The following EYA4 variants were observed in gnomAD, a reference collection of about 807,000 sequenced individuals.
EYA4 encodes the protein EYA transcriptional coactivator and phosphatase 4.
In EYA4, 31 loss-of-function variants were observed where a neutral mutation model predicts 87.9. That is an observed-to-expected ratio of 0.35 (90% CI 0.27 to 0.48). The LOEUF (loss-of-function observed/expected upper bound fraction) is 0.48. EYA4 is among the 20% of genes least tolerant of loss of function. The pLI is 0.99. For synonymous variants in EYA4, 263 were observed against 270.6 expected (o/e 0.97, Z 0.28); for missense variants, 678 against 761.4 (o/e 0.89, Z 1.29).
At position 133,312,158 on chromosome 6, in the gene EYA4, G is replaced by T. The variant is rs536235762; in HGVS notation, c.33+37345G>T. ...GGTTTTCTAGAGGAAAAATCTGCAT[G>T]TTCAAAGCCTGTAGGGGCAGGAGCA... is the stretch of plus-strand genomic sequence containing the variant. On this transcript the variant is annotated intron_variant, in intron 2 of 19. Coordinates refer to ENST00000355286, the MANE Select transcript of EYA4 (RefSeq NM_004100.5). Among the ~76,000 whole-genome samples the T allele has an allele frequency of 2.6e-5, 4 of 152,268 alleles. No individual in the cohort carries two copies. In the East Asian group the frequency reaches 7.7e-4, roughly 29 times the overall value.
At chr6:133,440,493 A>G (rs565476695) in intron 3 of EYA4, among the ~76,000 whole-genome samples, 111 of 152,320 alleles carry the variant, frequency 7.3e-4, no homozygotes, top group African/African-American at 2.5e-3. Context: ...ACAAATGACA[A>G]TAAGTTAAGA....
intron 1 of EYA4, chr6:133,247,256 C>T (rs768861794): frequency 3.3e-5 from 5 of 152,138 alleles, no homozygotes; most frequent in Non-Finnish European, 7.3e-5. Flanking sequence ...TGGAGAAATG[C>T]TGTATTTTGT....
intron 5 of EYA4, among the ~76,000 whole-genome samples, chr6:133,454,021 C>G (rs1055738853): frequency 6.6e-6 from 1 of 152,066 alleles, no homozygotes; most frequent in Non-Finnish European, 1.5e-5. Context: ...AGATTATAAT[C>G]AAAATCAATA....
At chr6:133,430,353 T>C (rs1374496304) in intron 3 of EYA4, among the ~76,000 whole-genome samples, 4 of 152,250 alleles carry the variant, frequency 2.6e-5, no homozygotes, top group African/African-American at 9.6e-5. Context: ...AAACTAATTT[T>C]ACTTTCTACC....
chr6:133,247,533 A>G (rs1257540060), intron 1 of EYA4: 1 of 152,224 alleles, frequency 6.6e-6, no homozygotes, highest in African/African-American at 2.4e-5. Context: ...GGAGCTGCCC[A>G]TATTTTGGAA....
intron 2 of EYA4, among the ~76,000 whole-genome samples, chr6:133,358,076 C>G (rs1293773525): frequency 6.6e-6 from 1 of 152,116 alleles, no homozygotes; most frequent in Non-Finnish European, 1.5e-5. Flanking sequence ...TGAAGCGAAC[C>G]TCCCGATAGC....
In EYA4 at chr6:133,532,018, C is replaced by T. The variant is rs199878738; in HGVS notation, c.*3213C>T. On this transcript the variant is annotated 3_prime_UTR_variant, in exon 20 of 20. Transcript: ENST00000355286. ...GTAAAGTATAGATTATTGGGGCCTA[C>T]ATAATTTAAAAGAAATGTAAATTAA... 2 of 152,102 alleles carry T rather than the reference C, an allele frequency of 1.3e-5. No individual in the cohort carries two copies. Among genetic ancestry groups the T allele is most frequent in the East Asian group, 3.8e-4 (2 of 5,196 alleles). The allele number at this position is 152,102 out of a possible 1,614,324, so 9.4% of individuals were successfully genotyped here. A position where few individuals can be genotyped will look rare whatever the true frequency, so the allele number is the denominator to read the frequency against.
At chr6:133,343,663 A>G (rs1583014030) in intron 2 of EYA4, among the ~76,000 whole-genome samples, 1 of 151,372 alleles carries the variant, frequency 6.6e-6, no homozygotes, top group African/African-American at 2.4e-5. Flanking sequence ...AACAAAGACT[A>G]ATAATAACAA....
chr6:133,458,868 G>T (rs1460764214), intron 6 of EYA4, among the ~76,000 whole-genome samples: 2 of 152,076 alleles, frequency 1.3e-5, no homozygotes, highest in African/African-American at 2.4e-5. Flanking sequence ...AATTTTCAGG[G>T]CATTTTGAAA....
At chr6:133,510,871 C>G (rs563186031) in intron 14 of EYA4, among the ~76,000 whole-genome samples, 1 of 152,282 alleles carries the variant, frequency 6.6e-6, no homozygotes, top group African/African-American at 2.4e-5. Context: ...GTCTAGACTT[C>G]TCCCATTTAT....
At chr6:133,428,218 T>G (rs747825326) in intron 3 of EYA4, among the ~76,000 whole-genome samples, 1 of 152,118 alleles carries the variant, frequency 6.6e-6, no homozygotes, top group Admixed American at 6.5e-5. Flanking sequence ...CTCAGAGAGA[T>G]ATGAGGGCTG....
chr6:133,287,048 G>C (rs12196330), intron 2 of EYA4, among the ~76,000 whole-genome samples: 28,198 of 151,576 alleles, frequency 0.19, 3,033 homozygotes, highest in East Asian at 0.42. Flanking sequence ...TGTGTGTGTC[G>C]GGGGGACCAC....
At chr6:133,494,692 T>G (rs1290877418) in intron 13 of EYA4, among the ~76,000 whole-genome samples, 1 of 149,542 alleles carries the variant, frequency 6.7e-6, no homozygotes, top group Non-Finnish European at 1.5e-5. Flanking sequence ...AAAAAAGTGT[T>G]TTTTTTTTAA....
At chr6:133,248,990 G>A (rs558765484) in intron 1 of EYA4, 48 of 151,568 alleles carry the variant, frequency 3.2e-4, no homozygotes, top group African/African-American at 1.2e-3. Context: ...TCCCTTAATT[G>A]TTGACTTTAG....
rs1786292428 is a variant in EYA4, at chr6:133,382,337, C to G, written c.34-55C>G. 4 of 1,260,318 alleles carry G rather than the reference C, an allele frequency of 3.2e-6. No individual in the cohort carries two copies. In the South Asian group the frequency reaches 3.6e-5, roughly 11 times the overall value. The allele number at this position is 1,260,318 out of a possible 1,614,324, so 78.1% of individuals were successfully genotyped here. On this transcript the variant is annotated intron_variant, in intron 2 of 19. Coordinates refer to ENST00000355286, the MANE Select transcript of EYA4 (RefSeq NM_004100.5). ...ATATCCGCTTTAATAGTGTGTGAACCTGAGTGAGGAAGTTGTATTTTCATA... is the reference window on the plus strand; with the variant it reads ...ATATCCGCTTTAATAGTGTGTGAACGTGAGTGAGGAAGTTGTATTTTCATA...
intron 2 of EYA4, among the ~76,000 whole-genome samples, chr6:133,311,245 C>T (rs1276458567): frequency 6.6e-6 from 1 of 152,002 alleles, no homozygotes; most frequent in African/African-American, 2.4e-5. Context: ...TGGCAGTGTC[C>T]CTTCCTTCCC....
intron 2 of EYA4, among the ~76,000 whole-genome samples, chr6:133,278,359 C>T (rs1383148798): frequency 6.6e-6 from 1 of 152,176 alleles, no homozygotes; most frequent in Non-Finnish European, 1.5e-5. Flanking sequence ...TTGGCATTTA[C>T]CTCTAGCCCA....
chr6:133,505,231 C>G (rs1427713702), intron 13 of EYA4, among the ~76,000 whole-genome samples: 1 of 152,162 alleles, frequency 6.6e-6, no homozygotes, highest in Non-Finnish European at 1.5e-5. Flanking sequence ...CATCCCTATC[C>G]CCAAATGCTC....
intron 3 of EYA4, among the ~76,000 whole-genome samples, chr6:133,444,801 T>G (rs1273622549): frequency 6.6e-6 from 1 of 152,188 alleles, no homozygotes; most frequent in African/African-American, 2.4e-5. Flanking sequence ...TCAGGATGTC[T>G]GGGCAGCGTA....
Sources: allele counts gnomAD v4.1 joint callset (sites outside exome capture counted in the v4.1 genomes callset), GRCh38; gene constraint gnomAD v4.1.1; transcripts MANE v1.5; gene names NCBI Gene and HGNC (gene_info 2026-07-23, HGNC 2026-07-21).